NRAP: variants seen among roughly 807,000 people sequenced by gnomAD.
NRAP encodes nebulin-related-anchoring protein.
In NRAP, 189 loss-of-function variants were observed where a neutral mutation model predicts 225.9. The ratio of observed to expected loss-of-function variants is 0.84; its 90% CI spans 0.74 to 0.94. NRAP has a LOEUF of 0.94. Ranked by LOEUF, NRAP falls within the 40% of genes least tolerant of loss-of-function variation. NRAP has a pLI of 0.00. For synonymous variants in NRAP, 769 were observed against 790.7 expected, an observed-to-expected ratio of 0.97 and a Z score of 0.46; for missense variants, 2,176 against 2,168.7, an observed-to-expected ratio of 1.00 and a Z score of -0.07.
At chr10:113,598,188 C>A in intron 35 of NRAP, 115 bp from the exon 36 acceptor site, 1 of 732,192 alleles carries the variant, frequency 1.4e-6, no homozygotes, top group Non-Finnish European at 2.5e-6. Flanking sequence ...CACAACATTT[C>A]AACATCTTCA....
chr10:113,649,609 TA>T (rs894473397), intron 9 of NRAP, among the ~76,000 whole-genome samples: 26 of 152,220 alleles, frequency 1.7e-4, no homozygotes, highest in Middle Eastern at 3.4e-3. Flanking sequence ...CCAACCTAGA[TA>T]AAAAAAATTC....
rs772031312 is a variant in NRAP at position 113,604,887 on chromosome 10, C to A, written c.3949G>T (p.Gly1317Trp). 58 of 1,613,858 alleles carry A rather than the reference C, an allele frequency of 3.6e-5. No homozygotes were observed. The highest frequency in any genetic ancestry group is 4.4e-5 in the Non-Finnish European group (52 of 1,179,864). The change falls in exon 35 of 42, where the codon GGG becomes TGG. Residue 1317 changes from glycine to tryptophan, a missense_variant. Physicochemically the swap from Gly to Trp is radical, Grantham distance 184 (BLOSUM62 -2). Transcript: ENST00000359988. ...ACACTCTGGGGCCCTATGAGTTTCC[C>A]TCGCTCCTTCACAAAGTCATGTCTG... ...LYRHDFVKER[G>W]KLIGPQSVRD...
intron 11 of NRAP, among the ~76,000 whole-genome samples, chr10:113,644,469 A>G (rs1592844528): frequency 2.6e-5 from 4 of 152,232 alleles, no homozygotes; most frequent in Admixed American, 2.6e-4. Context: ...GCTCCAAAGC[A>G]GCCACAGATA....
At chr10:113,650,739 C>T (rs748852576) in intron 7 of NRAP, among the ~76,000 whole-genome samples, 194 bp from the exon 8 acceptor site, 1 of 152,222 alleles carries the variant, frequency 6.6e-6, no homozygotes, top group Non-Finnish European at 1.5e-5. Context: ...CAGTGCCTGG[C>T]ACATGGAGAC....
chr10:113,601,637 G>A (rs1252365526), intron 35 of NRAP, among the ~76,000 whole-genome samples: 1 of 152,166 alleles, frequency 6.6e-6, no homozygotes, highest in Non-Finnish European at 1.5e-5. Flanking sequence ...ACAATTTCAT[G>A]GGAGGGATTC....
intron 16 of NRAP, among the ~76,000 whole-genome samples, chr10:113,632,316 T>C (rs1319447562): frequency 6.6e-6 from 1 of 152,218 alleles, no homozygotes; most frequent in African/African-American, 2.4e-5. Context: ...ATAAATTGGA[T>C]AGAATATATG....
chr10:113,590,806 A>C lies in NRAP; in HGVS notation c.4728T>G (p.His1576Gln). ...TCTGGAGCCTGCCAACGTTGAGGAA[A>C]TGCTTCATCCTTGGGTCATCGTCGA... ...RSVDDDPRMKHFLNVGRLQSD... is the reference protein window; with the variant it reads ...RSVDDDPRMKQFLNVGRLQSD... The change falls in exon 40 of 42, where the codon CAT becomes CAG. Residue 1576 changes from histidine (H) to glutamine (Q), a missense_variant. Physicochemically the swap from His to Gln is conservative, Grantham distance 24. Around this residue, in one of 3 missense-constraint regions of NRAP, gnomAD observed 445 missense variants for 426.1 expected, o/e 1.04. Transcript: ENST00000359988. 3 of 1,614,206 alleles carry C rather than the reference A, an allele frequency of 1.9e-6. No homozygotes were observed. The highest frequency in any genetic ancestry group is 2.5e-6 in the Non-Finnish European group (3 of 1,180,040).
chr10:113,634,891 C>G (rs1186140514), intron 14 of NRAP, among the ~76,000 whole-genome samples: 7 of 152,200 alleles, frequency 4.6e-5, no homozygotes, highest in African/African-American at 1.7e-4. Flanking sequence ...AATGGAGCAT[C>G]AGCGACTCCT....
intron 38 of NRAP, among the ~76,000 whole-genome samples, chr10:113,594,076 T>C (rs1189566317): frequency 1.3e-5 from 2 of 152,240 alleles, no homozygotes; most frequent in Non-Finnish European, 2.9e-5. Flanking sequence ...AGTCTTTAGA[T>C]TCCGTAGGCG....
In NRAP at chr10:113,634,307, T is replaced by C. The variant is rs972624133; in HGVS notation, c.1429-97A>G. On this transcript the variant is annotated intron_variant, in intron 14 of 41. Coordinates refer to ENST00000359988, the MANE Select transcript of NRAP (RefSeq NM_198060.4). ...GCCCAATAAAGTGGCAATTCTCAAA[T>C]GGCTACGTAGAAAAAGAGTCCAATA... 15 of 825,416 alleles carry C rather than the reference T, an allele frequency of 1.8e-5. No individual in the cohort carries two copies. The Middle Eastern group carries it at 6.8e-4, about 37-fold the overall frequency. The allele number at this position is 825,416 out of a possible 1,614,324, so 51.1% of individuals were successfully genotyped here.
intron 30 of NRAP, 126 bp downstream of exon 30, chr10:113,612,108 A>T: frequency 1.4e-6 from 1 of 710,814 alleles, no homozygotes; most frequent in South Asian, 1.8e-5. Flanking sequence ...CTGGGTTTCA[A>T]AATAAGACTT....
chr10:113,648,463 C>CTATA (rs1224072216), intron 9 of NRAP, among the ~76,000 whole-genome samples: 85 of 119,824 alleles, frequency 7.1e-4, no homozygotes, highest in African/African-American at 2.6e-3. Flanking sequence ...CTCTCTCTCT[C>CTATA]TCTCTATATA....
intron 41 of NRAP, 80 bp downstream of exon 41, chr10:113,589,581 AAAAAT>A: frequency 6.6e-7 from 1 of 1,517,906 alleles, no homozygotes; most frequent in South Asian, 1.3e-5. Context: ...ACCTTTGGCC[AAAAAT>A]AAACTTTGAA....
intron 38 of NRAP, among the ~76,000 whole-genome samples, chr10:113,594,292 C>G (rs1430216330): frequency 6.6e-6 from 1 of 152,202 alleles, no homozygotes; most frequent in African/African-American, 2.4e-5. Flanking sequence ...TACACGCCCC[C>G]GAAGAAGTGC....
intron 18 of NRAP, among the ~76,000 whole-genome samples, chr10:113,631,106 C>T (rs371905900): frequency 6.6e-6 from 1 of 152,176 alleles, no homozygotes; most frequent in Admixed American, 6.5e-5. Context: ...GTTGTAACCA[C>T]AGGACCAGGA....
Position 113,662,694 on chromosome 10 carries a change from TG to T in NRAP, c.239del (p.Pro80GlnfsTer24). 1 of 1,575,736 alleles carries T rather than the reference TG, an allele frequency of 6.3e-7. No homozygotes were observed. The highest frequency in any genetic ancestry group is 8.7e-7 in the Non-Finnish European group (1 of 1,144,924). ...TPLNLNVRTF[P>X]EAISGIHDQE... ...AATAACTTACCCCACTGATGGCCTC[TG>T]GAAATGTCCTCACATTTAGATTTAA... On this transcript the variant is annotated frameshift_variant, in exon 3 of 42. Transcript: ENST00000359988. LOFTEE classifies it high-confidence loss of function.
chr10:113,615,369 C>T (rs191864624), intron 27 of NRAP, among the ~76,000 whole-genome samples: 135 of 152,192 alleles, frequency 8.9e-4, no homozygotes, highest in Non-Finnish European at 1.6e-3. Flanking sequence ...GAGTTAAGCC[C>T]CAAGTCTTCC....
At chr10:113,613,343 A>T (rs557974535) in intron 29 of NRAP, among the ~76,000 whole-genome samples, 4 of 152,306 alleles carry the variant, frequency 2.6e-5, no homozygotes, top group African/African-American at 9.6e-5. Flanking sequence ...TGAGAGGTAG[A>T]GCTGGCTCCA....
In NRAP at chr10:113,615,815, C is replaced by T. The variant is rs757551902; in HGVS notation, c.2975G>A (p.Arg992Lys). The T allele has an allele frequency of 1.9e-6, 3 of 1,555,248 alleles. No individual in the cohort carries two copies. In the South Asian group the frequency reaches 3.3e-5, roughly 17 times the overall value. ...ARISYTQAVD[R>K]LYREQGENIK... The stretch of plus-strand genomic sequence containing the variant: ...GTTTTCTCCTTGTTCCCTGTATAAT[C>T]TCTGTGGATGGAAGGAGGTTTTGCA... The change falls in exon 27 of 42, where the codon AGA becomes AAA. Residue 992 changes from arginine to lysine, a missense_variant and splice_region_variant. Physicochemically the swap from Arg to Lys is conservative, Grantham distance 26. Coordinates refer to ENST00000359988, the MANE Select transcript of NRAP (RefSeq NM_198060.4).
Sources: allele counts gnomAD v4.1 joint callset (sites outside exome capture counted in the v4.1 genomes callset), GRCh38; gene constraint gnomAD v4.1.1; regional missense constraint gnomAD v4.1.1; transcripts MANE v1.5; gene names NCBI Gene and HGNC (gene_info 2026-07-23, HGNC 2026-07-21).